The following RAB27B variants were observed in gnomAD, a reference collection of about 807,000 sequenced individuals.
The protein encoded by RAB27B is ras-related protein Rab-27B.
RAB27B carries 15 observed loss-of-function variants against 24.6 expected under a neutral mutation model. The observed-to-expected ratio is 0.61, with a 90% CI of 0.41 to 0.94. The LOEUF (loss-of-function observed/expected upper bound fraction) is 0.94, where lower values mean the gene tolerates loss of function less well. Ranked by LOEUF, RAB27B falls within the 40% of genes least tolerant of loss-of-function variation. RAB27B has a pLI of 0.00. For missense variants in RAB27B, 261 were observed against 266.8 expected, an observed-to-expected ratio of 0.98 and a Z score of 0.15; for synonymous variants, 105 against 92.5, an observed-to-expected ratio of 1.14 and a Z score of -0.78.
chr18:54,866,305 C>G (rs959636092), intron 1 of RAB27B, among the ~76,000 whole-genome samples: 80 of 152,268 alleles, frequency 5.3e-4, no homozygotes, highest in African/African-American at 1.9e-3. Flanking sequence ...CCCCCGCGCC[C>G]TGCGCTCCAA....
chr18:54,829,360 G>C (rs1413427448), intron 1 of RAB27B, among the ~76,000 whole-genome samples: 3 of 152,200 alleles, frequency 2.0e-5, no homozygotes. Context: ...TAGGTGAACT[G>C]TAAGCAGAGA....
intron 2 of RAB27B, among the ~76,000 whole-genome samples, chr18:54,783,406 G>A (rs1453277130): frequency 3.9e-5 from 6 of 151,966 alleles, no homozygotes; most frequent in Non-Finnish European, 8.8e-5. Context: ...TTTGTAAGAA[G>A]CATTTTAAAT....
intron 2 of RAB27B, among the ~76,000 whole-genome samples, chr18:54,816,976 T>C (rs1910141248): frequency 6.6e-6 from 1 of 152,204 alleles, no homozygotes; most frequent in Non-Finnish European, 1.5e-5. Context: ...GACTATTTTA[T>C]TGCAAATCAC....
At chr18:54,829,112 A>T (rs990071587) in intron 1 of RAB27B, among the ~76,000 whole-genome samples, 1 of 152,258 alleles carries the variant, frequency 6.6e-6, no homozygotes, top group African/African-American at 2.4e-5. Flanking sequence ...TAGTGAGGCA[A>T]GCCAGGAGAG....
chr18:54,779,915 G>A (rs574018890), intron 2 of RAB27B, among the ~76,000 whole-genome samples: 13 of 84,296 alleles, frequency 1.5e-4, no homozygotes, highest in South Asian at 8.6e-4. Flanking sequence ...CCTCTCTACC[G>A]TCTCCTGACT....
rs146016325 is a variant in RAB27B, at chr18:54,815,812, C to T, written c.-19-61755C>T. The stretch of plus-strand genomic sequence containing the variant: ...GCTAATTTTGTATTTTTAGTATAGA[C>T]GGGGTTTCTCCATGTTGGTCAGGCT... On this transcript the variant is annotated intron_variant, in intron 2 of 4. Coordinates refer to the RAB27B transcript ENST00000586570. 1.1e-3 allele frequency among the ~76,000 whole-genome samples: 163 copies of T among 152,104 alleles called. 1 individual carries two copies. The East Asian group carries it at 0.012, about 11-fold the overall frequency.
intron 2 of RAB27B, among the ~76,000 whole-genome samples, chr18:54,726,238 T>C (rs1220266410): frequency 6.6e-6 from 1 of 151,554 alleles, no homozygotes; most frequent in African/African-American, 2.4e-5. Flanking sequence ...ATCATAAATC[T>C]GAGGGTTGCA....
intron 2 of RAB27B, among the ~76,000 whole-genome samples, chr18:54,801,312 G>A (rs1270389880): frequency 1.3e-5 from 2 of 151,846 alleles, no homozygotes; most frequent in Non-Finnish European, 2.9e-5. Flanking sequence ...ACTGCACCTG[G>A]CCTATTCCTG....
intron 2 of RAB27B, among the ~76,000 whole-genome samples, chr18:54,718,899 T>C (rs893938082): frequency 6.6e-6 from 1 of 152,186 alleles, no homozygotes; most frequent in Non-Finnish European, 1.5e-5. Context: ...TTTTAATACT[T>C]TAAAGCCTTC....
intron 2 of RAB27B, among the ~76,000 whole-genome samples, chr18:54,748,831 C>A (rs1356660895): frequency 1.3e-5 from 2 of 152,140 alleles, no homozygotes; most frequent in Non-Finnish European, 2.9e-5. Flanking sequence ...AGAAGCCATA[C>A]CCAAAGTATG....
At chr18:54,802,952 T>G (rs1438540906) in intron 2 of RAB27B, among the ~76,000 whole-genome samples, 1 of 152,226 alleles carries the variant, frequency 6.6e-6, no homozygotes, top group Non-Finnish European at 1.5e-5. Context: ...TTTGCTTACA[T>G]AAGCATTTTG....
At chr18:54,741,805 A>G (rs1387091564) in intron 2 of RAB27B, among the ~76,000 whole-genome samples, 1 of 152,124 alleles carries the variant, frequency 6.6e-6, no homozygotes, top group Non-Finnish European at 1.5e-5. Flanking sequence ...CCTGGCCTCT[A>G]AGCTTTCTTT....
chr18:54,749,088 T>A (rs1277964784), intron 2 of RAB27B, among the ~76,000 whole-genome samples: 1 of 152,204 alleles, frequency 6.6e-6, no homozygotes, highest in Non-Finnish European at 1.5e-5. Context: ...GGCATGGTGA[T>A]GACTCCCAAT....
chr18:54,742,604 T>C (rs941598157), intron 2 of RAB27B, among the ~76,000 whole-genome samples: 2 of 152,238 alleles, frequency 1.3e-5, no homozygotes, highest in African/African-American at 4.8e-5. Context: ...TTGCATTTTC[T>C]GAGTATAAAG....
chr18:54,865,237 T>TTG (rs3060044), intron 1 of RAB27B, among the ~76,000 whole-genome samples: 27,226 of 143,242 alleles, frequency 0.19, 2,664 homozygotes, highest in East Asian at 0.37. Context: ...CAATGGCCTT[T>TTG]TGTGTGTGTG....
intron 2 of RAB27B, among the ~76,000 whole-genome samples, chr18:54,737,577 A>G (rs1272946185): frequency 6.6e-6 from 1 of 152,140 alleles, no homozygotes; most frequent in East Asian, 1.9e-4. Flanking sequence ...TGGGTTTGGC[A>G]TCTTTCTCGA....
chr18:54,787,926 A>G (rs1476868705), intron 2 of RAB27B, among the ~76,000 whole-genome samples: 1 of 152,222 alleles, frequency 6.6e-6, no homozygotes, highest in Non-Finnish European at 1.5e-5. Flanking sequence ...GATTCCACTC[A>G]AGGAATGTTG....
At chr18:54,824,430 C>A (rs772977076), upstream of RAB27B, among the ~76,000 whole-genome samples, 34 of 152,228 alleles carry the variant, frequency 2.2e-4, no homozygotes, top group Non-Finnish European at 4.6e-4. Flanking sequence ...TTACTTCTAG[C>A]TCATGTGGTA....
At chr18:54,738,052 C>T (rs867401954) in intron 2 of RAB27B, among the ~76,000 whole-genome samples, 1 of 152,038 alleles carries the variant, frequency 6.6e-6, no homozygotes, top group East Asian at 1.9e-4. Context: ...TGCCAGACTT[C>T]GGAAGGTAAA....
Sources: gnomAD v4.1 joint callset for allele counts (sites outside exome capture counted in the v4.1 genomes callset) on GRCh38, gnomAD v4.1.1 for gene constraint, MANE v1.5 for transcripts, NCBI Gene and HGNC (gene_info 2026-07-23, HGNC 2026-07-21) for gene names.